The following NPAS2 variants were observed in gnomAD, a reference collection of about 807,000 sequenced individuals.
NPAS2 encodes neuronal PAS domain protein 2.
In NPAS2, 23 loss-of-function variants were observed where a neutral mutation model predicts 107.5. The ratio of observed to expected loss-of-function variants is 0.21; its 90% CI spans 0.15 to 0.30. The LOEUF (loss-of-function observed/expected upper bound fraction) is 0.30. NPAS2 is among the 10% of genes least tolerant of loss of function. NPAS2 has a pLI of 1.00. For missense variants in NPAS2, 756 were observed against 1,043.3 expected, an observed-to-expected ratio of 0.72 and a Z score of 3.79; for synonymous variants, 403 against 417.5, an observed-to-expected ratio of 0.97 and a Z score of 0.42.
At chr2:100,895,388 G>A (rs1681343888) in intron 1 of NPAS2, among the ~76,000 whole-genome samples, 1 of 152,194 alleles carries the variant, frequency 6.6e-6, no homozygotes, top group Admixed American at 6.5e-5. Context: ...GGGGAGCTAG[G>A]GCTGGGAGCA....
chr2:100,861,764 G>A (rs1448634741), intron 1 of NPAS2, among the ~76,000 whole-genome samples: 2 of 152,156 alleles, frequency 1.3e-5, no homozygotes, highest in African/African-American at 4.8e-5. Context: ...TGCAATGCTT[G>A]GCAGATGCTT....
chr2:100,839,131 A>G (rs1558795362), intron 1 of NPAS2, among the ~76,000 whole-genome samples: 1 of 151,478 alleles, frequency 6.6e-6, no homozygotes, highest in African/African-American at 2.4e-5. Context: ...TTTTGTTGTT[A>G]TTGTTGTTGT....
chr2:100,945,265 T>C (rs916563360), intron 5 of NPAS2, among the ~76,000 whole-genome samples: 17 of 152,096 alleles, frequency 1.1e-4, no homozygotes, highest in Non-Finnish European at 2.1e-4. Context: ...GTGTCCACTG[T>C]CCTCACACCC....
intron 1 of NPAS2, among the ~76,000 whole-genome samples, chr2:100,831,707 A>AT (rs1317676423): frequency 1.3e-5 from 2 of 152,002 alleles, no homozygotes; most frequent in African/African-American, 2.4e-5. Context: ...TTGCATGGCA[A>AT]TTTTTTAGAG....
Position 100,925,161 on chromosome 2 carries a change from G to A in NPAS2, c.48G>A (p.Lys16=), listed in dbSNP as rs1683478947. The A allele has an allele frequency of 1.9e-6, 3 of 1,612,592 alleles. No homozygotes were observed. In the South Asian group the frequency reaches 3.3e-5, roughly 18 times the overall value. The change falls in exon 3 of 21, where the codon AAG becomes AAA. Residue 16 remains lysine (K), a synonymous_variant. Transcript: ENST00000335681. The part of the protein sequence containing the change: ...KDRAKRASRN[K]SEKKRRDQFN... ...GTGTTTACAGAGCTTCTCGAAACAAGTCTGAGAAGAAGCGTCGGGACCAGT... is the reference window on the plus strand; with the variant it reads ...GTGTTTACAGAGCTTCTCGAAACAAATCTGAGAAGAAGCGTCGGGACCAGT...
At position 100,975,361 on chromosome 2, in the gene NPAS2, C is replaced by T. The variant is rs1676914479; in HGVS notation, c.1283-97C>T. 3 of 1,059,838 alleles carry T rather than the reference C, an allele frequency of 2.8e-6. No homozygotes were observed. In the African/African-American group the frequency reaches 4.8e-5, roughly 17 times the overall value. 65.7% of individuals were successfully genotyped at this position (1,059,838 alleles called of 1,614,324 possible). The stretch of plus-strand genomic sequence containing the variant: ...TCCTTTATCAGAGATCCCAAGCGAG[C>T]TCTTGTACTGTGCACACCACGGTCA... On this transcript the variant is annotated intron_variant, in intron 13 of 20. Transcript: ENST00000335681.
At chr2:100,844,728 A>C (rs1284605763) in intron 1 of NPAS2, among the ~76,000 whole-genome samples, 1 of 152,218 alleles carries the variant, frequency 6.6e-6, no homozygotes, top group East Asian at 1.9e-4. Flanking sequence ...TTACTACTAG[A>C]AAGTGAGATG....
intron 18 of NPAS2, 23 bp downstream of exon 18, chr2:100,990,469 AG>A: frequency 6.2e-7 from 1 of 1,611,122 alleles, no homozygotes; most frequent in Non-Finnish European, 8.5e-7. Flanking sequence ...CCTTGTTTAA[AG>A]GATAACCCAG....
Position 100,904,804 on chromosome 2 carries a change from C to A in NPAS2, c.32+18C>A. 6.3e-7 allele frequency: 1 copy of A among 1,591,238 alleles called. No individual in the cohort carries two copies. The stretch of plus-strand genomic sequence containing the variant: ...GCCAAGAGGTAAGATGCAGCTGTCC[C>A]CCTGCTCAGCAGAGCTCTCTGGCCC... On this transcript the variant is annotated intron_variant, in intron 2 of 20. Transcript: ENST00000335681.
chr2:100,934,356 T>G (rs1684171780), intron 4 of NPAS2, among the ~76,000 whole-genome samples: 1 of 152,042 alleles, frequency 6.6e-6, no homozygotes, highest in Non-Finnish European at 1.5e-5. Context: ...TCAAAAGTAT[T>G]TGAGGAAATA....
chr2:100,860,630 TCTC>T (rs1678880013), intron 1 of NPAS2, among the ~76,000 whole-genome samples: 1 of 152,204 alleles, frequency 6.6e-6, no homozygotes, highest in African/African-American at 2.4e-5. Flanking sequence ...GAGCTTTCCT[TCTC>T]CTCCATCCAT....
intron 12 of NPAS2, among the ~76,000 whole-genome samples, chr2:100,971,605 G>T (rs1676569186): frequency 6.6e-6 from 1 of 152,296 alleles, no homozygotes; most frequent in East Asian, 1.9e-4. Flanking sequence ...GTGTCCAGGG[G>T]TGTTAGTGAA....
At chr2:100,975,386 A>G (rs1676916201) in intron 13 of NPAS2, 72 bp from the exon 14 acceptor site, 1 of 1,333,892 alleles carries the variant, frequency 7.5e-7, no homozygotes, top group Non-Finnish European at 1.1e-6. Context: ...CACCACGGTC[A>G]TGGGTCCCCT....
intron 3 of NPAS2, among the ~76,000 whole-genome samples, chr2:100,928,112 A>C (rs3754673): frequency 0.12 from 18,898 of 152,082 alleles, 1,297 homozygotes; most frequent in East Asian, 0.27. Context: ...TGATGATCAT[A>C]TATACCTATT....
chr2:100,867,100 C>A (rs1038517577), intron 1 of NPAS2, among the ~76,000 whole-genome samples: 5 of 152,168 alleles, frequency 3.3e-5, no homozygotes, highest in Non-Finnish European at 5.9e-5. Context: ...TCTACTGTGA[C>A]CTAAAACAGC....
intron 1 of NPAS2, chr2:100,823,426 T>C (rs1045619600): frequency 1.3e-5 from 2 of 152,068 alleles, no homozygotes; most frequent in African/African-American, 4.8e-5. Context: ...GTGGTTCCAT[T>C]TGATGGTTCA....
chr2:100,828,606 C>A (rs1280271090), intron 1 of NPAS2, among the ~76,000 whole-genome samples: 1 of 152,126 alleles, frequency 6.6e-6, no homozygotes, highest in Non-Finnish European at 1.5e-5. Flanking sequence ...TTTCATTCTT[C>A]TGCATATGGC....
intron 1 of NPAS2, among the ~76,000 whole-genome samples, chr2:100,849,155 C>T (rs1018298844): frequency 1.4e-4 from 21 of 152,220 alleles, no homozygotes; most frequent in African/African-American, 3.9e-4. Context: ...TAGACCATTC[C>T]GCTGGAAGCA....
At chr2:100,910,624 G>A (rs1397123493) in intron 2 of NPAS2, among the ~76,000 whole-genome samples, 1 of 151,846 alleles carries the variant, frequency 6.6e-6, no homozygotes, top group African/African-American at 2.4e-5. Context: ...TGCCTCCTGG[G>A]TTCAAGTGAT....
Sources: allele counts gnomAD v4.1 joint callset (sites outside exome capture counted in the v4.1 genomes callset), GRCh38; gene constraint gnomAD v4.1.1; transcripts MANE v1.5; gene names NCBI Gene and HGNC (gene_info 2026-07-23, HGNC 2026-07-21).